NBEAL2: variants seen among roughly 807,000 people sequenced by gnomAD.
The protein encoded by NBEAL2 is neurobeachin like 2.
In NBEAL2, 160 loss-of-function variants were observed where a neutral mutation model predicts 299.8. That is an observed-to-expected ratio of 0.53 (90% CI 0.47 to 0.61). The LOEUF is 0.61. NBEAL2 is among the 20% of genes least tolerant of loss of function. The pLI is 0.00. For missense variants in NBEAL2, 3,112 were observed against 3,649.0 expected, an observed-to-expected ratio of 0.85 and a Z score of 3.79; for synonymous variants, 1,493 against 1,542.3, an observed-to-expected ratio of 0.97 and a Z score of 0.75.
chr3:46,985,878 C>T (rs2035639922), intron 1 of NBEAL2, among the ~76,000 whole-genome samples: 1 of 152,202 alleles, frequency 6.6e-6, no homozygotes, highest in African/African-American at 2.4e-5. Flanking sequence ...CATGGGAAGC[C>T]TGAGCATCAT....
chr3:46,991,099 C>G lies in NBEAL2; in HGVS notation c.557-120C>G. ...CCAGCTCTTATCCCTCACACTGGATCTTTTACTTGGCCCAGCTCCCTCTCC... is the reference window on the plus strand; with the variant it reads ...CCAGCTCTTATCCCTCACACTGGATGTTTTACTTGGCCCAGCTCCCTCTCC... On this transcript the variant is annotated intron_variant, in intron 6 of 53. Transcript: ENST00000450053. This position sits in a 1 kb window ranked among gnomAD's most constrained non-coding sequence, Gnocchi z 6.2. The G allele has an allele frequency of 1.2e-6, 1 of 836,546 alleles. No individual in the cohort carries two copies. The highest frequency in any genetic ancestry group is 2.0e-6 in the Non-Finnish European group (1 of 510,306). 51.8% of individuals were successfully genotyped at this position (836,546 alleles called of 1,614,324 possible).
chr3:47,002,086 C>T lies in NBEAL2; in HGVS notation c.4949C>T (p.Ala1650Val). 1 of 1,547,190 alleles carries T rather than the reference C, an allele frequency of 6.5e-7. No homozygotes were observed. The highest frequency in any genetic ancestry group is 8.7e-7 in the Non-Finnish European group (1 of 1,144,010). The change falls in exon 31 of 54, where the codon GCA (alanine) becomes GTA (valine). Residue 1650 changes from alanine (A) to valine (V), a missense_variant. Physicochemically the swap from Ala to Val is moderately conservative, Grantham distance 64 (BLOSUM62 0). This residue lies in a region of NBEAL2 where 2,243 missense variants were observed against 2,538.1 expected (regional missense o/e 0.88). Transcript: ENST00000450053. Reference sequence around the variant, plus strand: ...ACTGATGAGGCAGGGTCCCCACTTGCAGCTGCAGCAGCTGCAGCAGCTGCA... The same window carrying T: ...ACTGATGAGGCAGGGTCCCCACTTGTAGCTGCAGCAGCTGCAGCAGCTGCA... ...SATDEAGSPL[A>V]AAAAAAAAER... is the part of the protein sequence containing the mutation.
intron 25 of NBEAL2, 55 bp downstream of exon 25, chr3:46,999,529 G>A: frequency 6.3e-7 from 1 of 1,585,652 alleles, no homozygotes; most frequent in South Asian, 1.1e-5. Context: ...AAACAGGGCA[G>A]GCAGGCCGGA....
At chr3:47,005,899 T>C in intron 42 of NBEAL2, 47 bp from the exon 43 acceptor site, 1 of 1,612,406 alleles carries the variant, frequency 6.2e-7, no homozygotes. Flanking sequence ...CTGAAGATCA[T>C]GGGGGGTCAG....
chr3:47,007,662 G>T lies in NBEAL2; in HGVS notation c.7472G>T (p.Arg2491Leu), dbSNP rs1377087772. 6.2e-7 allele frequency: 1 copy of T among 1,609,964 alleles called. No individual in the cohort carries two copies. ...AGCCTGCGGGTGACTGCACTACCCC[G>T]TGGCAAGCTGTTGAGCCAGCTCAGC... ...DGSLRVTALP[R>L]GKLLSQLSCH... Residue 2491 changes from arginine (R) to leucine (L), a missense_variant, in exon 48 of 54, where the codon CGT (arginine) becomes CTT (leucine). By Grantham distance (102) the Arg-to-Leu change is moderately radical. Coordinates refer to ENST00000450053, the MANE Select transcript of NBEAL2 (RefSeq NM_015175.3).
chr3:46,989,598 G>C lies in NBEAL2; in HGVS notation c.556+5G>C. ...AATTCAGCGCCTTCTTCCAAGGTCA[G>C]GCCCCGCCCCTGCCCCCACTTGGCT... On this transcript the variant is annotated splice_donor_5th_base_variant and intron_variant, in intron 6 of 53. Coordinates refer to ENST00000450053, the MANE Select transcript of NBEAL2 (RefSeq NM_015175.3). This position sits in a 1 kb window ranked among gnomAD's most constrained non-coding sequence, Gnocchi z 5.5. 5 of 1,580,704 alleles carry C rather than the reference G, an allele frequency of 3.2e-6. No individual in the cohort carries two copies. The highest frequency in any genetic ancestry group is 4.3e-6 in the Non-Finnish European group (5 of 1,163,100).
At chr3:46,983,169 AG>A (rs900345730) in intron 1 of NBEAL2, among the ~76,000 whole-genome samples, 1 of 152,106 alleles carries the variant, frequency 6.6e-6, no homozygotes, top group African/African-American at 2.4e-5. Context: ...AGAAGGGTTC[AG>A]GGAGGTTAGG....
Position 47,003,665 on chromosome 3 carries a change from C to A in NBEAL2, c.5721-151C>A. The A allele has an allele frequency of 9.3e-7, 1 of 1,075,234 alleles. No individual in the cohort carries two copies. The highest frequency in any genetic ancestry group is 1.3e-6 in the Non-Finnish European group (1 of 768,414). The allele number at this position is 1,075,234 out of a possible 1,614,324, so 66.6% of individuals were successfully genotyped here. A position where few individuals can be genotyped will look rare whatever the true frequency, so the allele number is the denominator to read the frequency against. On this transcript the variant is annotated intron_variant, in intron 35 of 53. Transcript: ENST00000450053. This position sits in a 1 kb window ranked among gnomAD's most constrained non-coding sequence, Gnocchi z 7.0. The stretch of plus-strand genomic sequence containing the variant: ...GGCAGGTGGGGGACAGGGGCTGGGA[C>A]CAGTAGGTTCTGGACCCTAGGCAGC...
In NBEAL2 at chr3:47,009,578, T is replaced by C. The variant is rs1002004126; in HGVS notation, c.*258T>C. On this transcript the variant is annotated 3_prime_UTR_variant, in exon 54 of 54. Coordinates refer to ENST00000450053, the MANE Select transcript of NBEAL2 (RefSeq NM_015175.3). ...CCGCAGCAGCACTTTTTGCACAGTC[T>C]GGGGCGGGGTTCCCCGGCTTCCAAG... 8 of 495,908 alleles carry C rather than the reference T, an allele frequency of 1.6e-5. No individual in the cohort carries two copies. The Admixed American group carries it at 1.9e-4, about 12-fold the overall frequency. 30.7% of individuals were successfully genotyped at this position (495,908 alleles called of 1,614,324 possible).
chr3:47,007,098 C>T lies in NBEAL2; in HGVS notation c.7167C>T (p.Ala2389=). The T allele has an allele frequency of 6.2e-7, 1 of 1,613,304 alleles. No individual in the cohort carries two copies. The highest frequency in any genetic ancestry group is 8.5e-7 in the Non-Finnish European group (1 of 1,179,608). ...VVSDGVPLVL[A]LVPHRQPHSF... ...GTGATGGTGTACCCCTGGTGCTAGC[C>T]CTGGTCCCCCACCGGCAGCCCCACT... Residue 2389 remains alanine, a synonymous_variant, in exon 46 of 54, where the codon GCC becomes GCT. Coordinates refer to ENST00000450053, the MANE Select transcript of NBEAL2 (RefSeq NM_015175.3).
At chr3:46,999,244 C>T in intron 24 of NBEAL2, 71 bp from the exon 25 acceptor site, 2 of 1,555,438 alleles carry the variant, frequency 1.3e-6, no homozygotes, top group South Asian at 1.2e-5. Flanking sequence ...AGCCACACAC[C>T]TGCACGGTGA....
rs1380138090 is a variant in NBEAL2 at position 47,005,023 on chromosome 3, C to T, written c.6346C>T (p.Pro2116Ser). ...GTCCCCAACCCTGGACCTCAGCAAC[C>T]CAGCCGTCTTCCGGGACCTGTCTAA... ...YVSPTLDLSN[P>S]AVFRDLSKPI... Residue 2116 changes from proline (P) to serine (S), a missense_variant, in exon 39 of 54, where the codon CCA becomes TCA. Physicochemically the swap from Pro to Ser is moderately conservative, Grantham distance 74. Coordinates refer to ENST00000450053, the MANE Select transcript of NBEAL2 (RefSeq NM_015175.3). The T allele has an allele frequency of 6.2e-7, 1 of 1,612,766 alleles. No homozygotes were observed. The highest frequency in any genetic ancestry group is 8.5e-7 in the Non-Finnish European group (1 of 1,179,442).
chr3:46,981,923 G>C (rs979512949), intron 1 of NBEAL2: 1 of 152,282 alleles, frequency 6.6e-6, no homozygotes, highest in Non-Finnish European at 1.5e-5. Flanking sequence ...CCCTCCCGGA[G>C]CTCCTCACCT....
chr3:46,999,569 G>T, intron 25 of NBEAL2, 61 bp from the exon 26 acceptor site: 1 of 1,586,602 alleles, frequency 6.3e-7, no homozygotes. Flanking sequence ...AGGGGCCAGG[G>T]CTGGGCCCTG....
Position 46,989,444 on chromosome 3 carries a change from C to T in NBEAL2, c.473+63C>T, listed in dbSNP as rs2035921956. 3 of 1,564,126 alleles carry T rather than the reference C, an allele frequency of 1.9e-6. No individual in the cohort carries two copies. The highest frequency in any genetic ancestry group is 2.6e-6 in the Non-Finnish European group (3 of 1,154,484). On this transcript the variant is annotated intron_variant, in intron 5 of 53. Coordinates refer to ENST00000450053, the MANE Select transcript of NBEAL2 (RefSeq NM_015175.3). The surrounding 1 kb of genome is among the most constrained non-coding windows in gnomAD (Gnocchi z 5.5). ...GTGGGGAGAGGATGGCCGCGCTGGG[C>T]CCAAGGAGGGGTGACGGCCAGGAGT...
intron 11 of NBEAL2, 105 bp from the exon 12 acceptor site, chr3:46,994,350 C>G: frequency 1.1e-5 from 12 of 1,078,072 alleles, no homozygotes; most frequent in Non-Finnish European, 1.7e-5. Context: ...CAGAGCTACG[C>G]AAGGGAACCC....
rs527638886 is a variant in NBEAL2 at position 47,006,257 on chromosome 3, C to G, written c.7012C>G (p.Leu2338Val). The change falls in exon 44 of 54, where the codon CTG becomes GTG. Residue 2338 changes from leucine to valine, a missense_variant. Leu to Val is a conservative substitution (Grantham distance 32). Transcript: ENST00000450053. ...CTTTGGGCAGACTCCCTGTCAGCTG[C>G]TGAAGGTAAGGCCAGCTTAGAGGAT... ...SNFGQTPCQLLKEPHPTRLSA... is the reference protein window; with the variant it reads ...SNFGQTPCQLVKEPHPTRLSA... 1.2e-6 allele frequency: 2 copies of G among 1,613,490 alleles called. No homozygotes were observed. Among genetic ancestry groups the G allele is most frequent in the Non-Finnish European group, 1.7e-6 (2 of 1,179,788 alleles).
In NBEAL2 at chr3:47,000,421, C is replaced by A; in HGVS notation, c.4305+17C>A. On this transcript the variant is annotated intron_variant, in intron 27 of 53. Transcript: ENST00000450053. This position sits in a 1 kb window ranked among gnomAD's most constrained non-coding sequence, Gnocchi z 4.5. ...AACCCACAGGTGAGGTGGGCCCACCCTCTGCCACTGCATGGTACCCAAGGG... is the reference window on the plus strand; with the variant it reads ...AACCCACAGGTGAGGTGGGCCCACCATCTGCCACTGCATGGTACCCAAGGG... 6.4e-7 allele frequency: 1 copy of A among 1,557,506 alleles called. No homozygotes were observed.
intron 47 of NBEAL2, 43 bp from the exon 48 acceptor site, chr3:47,007,482 C>T: frequency 1.3e-6 from 2 of 1,586,394 alleles, no homozygotes; most frequent in Non-Finnish European, 1.7e-6. Context: ...TGGGTCTCTT[C>T]CATGTGGCCT....
Sources: gnomAD v4.1 joint callset for allele counts (sites outside exome capture counted in the v4.1 genomes callset) on GRCh38, gnomAD v4.1.1 for gene constraint, gnomAD v4.1.1 regional missense constraint, Gnocchi (gnomAD v3.1) non-coding constraint, MANE v1.5 for transcripts, NCBI Gene and HGNC (gene_info 2026-07-23, HGNC 2026-07-21) for gene names.